GSG1L: variants seen among roughly 807,000 people sequenced by gnomAD.
GSG1L encodes the protein GSG1 like.
In GSG1L, 24 loss-of-function variants were observed where a neutral mutation model predicts 42.1. That is an observed-to-expected ratio of 0.57 (90% CI 0.41 to 0.80). GSG1L has a LOEUF of 0.80. Among genes scored for constraint, GSG1L ranks in the 30% least tolerant of loss-of-function variants. GSG1L has a pLI of 0.00. For missense variants in GSG1L, 445 were observed against 472.2 expected (o/e 0.94, Z 0.53); for synonymous variants, 215 against 203.5 (o/e 1.06, Z -0.48).
intron 1 of GSG1L, among the ~76,000 whole-genome samples, chr16:28,012,915 T>G (rs1050432022): frequency 1.4e-5 from 2 of 147,494 alleles, no homozygotes; most frequent in African/African-American, 2.5e-5. Context: ...AAAAAGTTAC[T>G]TCAATGCAAT....
intron 2 of GSG1L, among the ~76,000 whole-genome samples, chr16:27,905,840 G>A (rs922340988): frequency 1.3e-5 from 2 of 151,912 alleles, no homozygotes; most frequent in Admixed American, 1.3e-4. Context: ...CTTTTCTCTT[G>A]CCACTACCCT....
In GSG1L at chr16:28,063,411, C is replaced by T; in HGVS notation, c.14G>A (p.Arg5His). Residue 5 changes from arginine to histidine, a missense_variant, in exon 1 of 7, where the codon CGC (arginine) becomes CAC (histidine). By Grantham distance (29) the Arg-to-His change is conservative. This residue lies in a region of GSG1L where 156 missense variants were observed against 128.3 expected (regional missense o/e 1.22). Coordinates refer to ENST00000447459, the MANE Select transcript of GSG1L (RefSeq NM_001109763.2). This position sits in a 1 kb window ranked among gnomAD's most constrained non-coding sequence, Gnocchi z 5.8. ...CACGGCCAGGAGCGCTCGGCCGCGGCGGCTAGTCTTCATGCCGCCCGCGCC... is the reference window on the plus strand; with the variant it reads ...CACGGCCAGGAGCGCTCGGCCGCGGTGGCTAGTCTTCATGCCGCCCGCGCC... MKTS[R>H]RGRALLAVAL... The T allele has an allele frequency of 7.7e-7, 1 of 1,305,844 alleles. No homozygotes were observed. Among genetic ancestry groups the T allele is most frequent in the South Asian group, 1.8e-5 (1 of 56,938 alleles). 80.9% of individuals were successfully genotyped at this position (1,305,844 alleles called of 1,614,324 possible). A position where few individuals can be genotyped will look rare whatever the true frequency, so the allele number is the denominator to read the frequency against.
At chr16:27,852,294 C>T (rs1036584162) in intron 3 of GSG1L, among the ~76,000 whole-genome samples, 1 of 152,168 alleles carries the variant, frequency 6.6e-6, no homozygotes, top group African/African-American at 2.4e-5. Flanking sequence ...AGGGAAACCC[C>T]TGACCTTCAG....
chr16:27,901,461 C>A (rs2084256762), intron 2 of GSG1L, among the ~76,000 whole-genome samples: 1 of 152,184 alleles, frequency 6.6e-6, no homozygotes, highest in South Asian at 2.1e-4. Flanking sequence ...GTCCACTTGG[C>A]CACCTGGGAA....
rs747055485 is a variant in GSG1L at position 27,873,701 on chromosome 16, A to G, written c.550+10785T>C. Among the ~76,000 whole-genome samples the G allele has an allele frequency of 5.5e-4, 84 of 152,224 alleles. 1 individual carries two copies. Among genetic ancestry groups the G allele is most frequent in the Admixed American group, 2.0e-3 (30 of 15,286 alleles). On this transcript the variant is annotated intron_variant, in intron 3 of 6. Coordinates refer to ENST00000447459, the MANE Select transcript of GSG1L (RefSeq NM_001109763.2). ...GGCTTAGAATTAAAATTAAGGTCCT[A>G]TCCAGAAATGAAAGAGCTGAAGTGT... is the stretch of plus-strand genomic sequence containing the variant.
At chr16:27,906,664 T>C (rs1246285018) in intron 2 of GSG1L, among the ~76,000 whole-genome samples, 1 of 152,158 alleles carries the variant, frequency 6.6e-6, no homozygotes, top group Non-Finnish European at 1.5e-5. Context: ...AAGCTCTTCA[T>C]CAAGGAACCA....
Position 27,823,615 on chromosome 16 carries a change from G to C in GSG1L, c.830+5174C>G, listed in dbSNP as rs184697778. On this transcript the variant is annotated intron_variant, in intron 5 of 6. Transcript: ENST00000447459. ...CCTCTCCCACAGATAGGAAACGTGG[G>C]GGCGTGAGGGAGCCCATGAGCTCTG... 1.5e-3 allele frequency among the ~76,000 whole-genome samples: 221 copies of C among 152,246 alleles called. 1 individual carries two copies. Among genetic ancestry groups the C allele is most frequent in the East Asian group, 7.7e-4 (4 of 5,170 alleles).
intron 2 of GSG1L, among the ~76,000 whole-genome samples, chr16:27,941,971 T>A (rs1240024731): frequency 6.6e-6 from 1 of 152,112 alleles, no homozygotes; most frequent in Non-Finnish European, 1.5e-5. Flanking sequence ...AAGTGAGTGC[T>A]TAATGACTAC....
intron 2 of GSG1L, among the ~76,000 whole-genome samples, chr16:27,911,437 C>T (rs1355509500): frequency 6.6e-6 from 1 of 152,116 alleles, no homozygotes; most frequent in East Asian, 1.9e-4. Flanking sequence ...ATTACAGGCG[C>T]CCGCCACCAC....
chr16:27,802,641 T>G (rs2082896492), intron 6 of GSG1L, among the ~76,000 whole-genome samples: 1 of 151,932 alleles, frequency 6.6e-6, no homozygotes, highest in Non-Finnish European at 1.5e-5. Context: ...GTTAGGCCCC[T>G]TTTGTGTCAC....
intron 2 of GSG1L, among the ~76,000 whole-genome samples, chr16:27,917,970 C>T (rs116277976): frequency 0.013 from 1,976 of 152,136 alleles, 34 homozygotes; most frequent in African/African-American, 0.044. Context: ...TTTAGCAAAT[C>T]CTTCTACTGT....
At chr16:27,997,100 T>C (rs554072837) in intron 1 of GSG1L, among the ~76,000 whole-genome samples, 1 of 152,074 alleles carries the variant, frequency 6.6e-6, no homozygotes, top group African/African-American at 2.4e-5. Context: ...CCACCATGGT[T>C]CTCACTAGGC....
At chr16:27,812,446 C>T (rs1428464122) in intron 5 of GSG1L, among the ~76,000 whole-genome samples, 1 of 152,236 alleles carries the variant, frequency 6.6e-6, no homozygotes, top group Non-Finnish European at 1.5e-5. Context: ...AACTACTCAA[C>T]TCTGCCCCTG....
intron 1 of GSG1L, among the ~76,000 whole-genome samples, chr16:27,974,134 G>A (rs2085225889): frequency 6.6e-6 from 1 of 152,134 alleles, no homozygotes; most frequent in Non-Finnish European, 1.5e-5. Flanking sequence ...CCCACTGGAG[G>A]GTGATGTCTT....
At chr16:27,819,075 C>T (rs1423822281) in intron 5 of GSG1L, among the ~76,000 whole-genome samples, 2 of 152,020 alleles carry the variant, frequency 1.3e-5, no homozygotes, top group Admixed American at 6.6e-5. Flanking sequence ...AGGTGAAACC[C>T]CGTCTCTACT....
chr16:28,044,052 A>G (rs2086137998), intron 1 of GSG1L, among the ~76,000 whole-genome samples: 1 of 152,180 alleles, frequency 6.6e-6, no homozygotes, highest in African/African-American at 2.4e-5. Flanking sequence ...ACTGTATTAA[A>G]TAACAAAAAT....
intron 2 of GSG1L, among the ~76,000 whole-genome samples, chr16:27,957,954 C>A (rs1175419461): frequency 6.6e-6 from 1 of 152,138 alleles, no homozygotes; most frequent in African/African-American, 2.4e-5. Flanking sequence ...CCAGTGTGAA[C>A]TAATACGGTG....
intron 1 of GSG1L, among the ~76,000 whole-genome samples, chr16:28,043,927 TG>T (rs1207410207): frequency 6.7e-6 from 1 of 149,724 alleles, no homozygotes; most frequent in Non-Finnish European, 1.5e-5. Flanking sequence ...GAGGCTGAGA[TG>T]GGAGGATCGC....
chr16:27,872,859 C>A (rs141124984), intron 3 of GSG1L, among the ~76,000 whole-genome samples: 1 of 152,154 alleles, frequency 6.6e-6, no homozygotes, highest in South Asian at 2.1e-4. Context: ...TTGCCCACCC[C>A]TTTCCCAGAA....
Sources: allele counts gnomAD v4.1 joint callset (sites outside exome capture counted in the v4.1 genomes callset), GRCh38; gene constraint gnomAD v4.1.1; regional missense constraint gnomAD v4.1.1; non-coding constraint Gnocchi (gnomAD v3.1); transcripts MANE v1.5; gene names NCBI Gene and HGNC (gene_info 2026-07-23, HGNC 2026-07-21).